ADAM12: variants seen among roughly 807,000 people sequenced by gnomAD.
The protein encoded by ADAM12 is ADAM metallopeptidase domain 12, also known as disintegrin and metalloproteinase domain-containing protein 12.
Under a neutral mutation model 106.4 loss-of-function variants are expected in ADAM12, and 70 were observed. That is an observed-to-expected ratio of 0.66 (90% CI 0.54 to 0.80). The LOEUF is 0.80. Among genes scored for constraint, ADAM12 ranks in the 30% least tolerant of loss-of-function variants. The pLI is 0.00. For missense variants in ADAM12, 1,010 were observed against 1,171.9 expected (o/e 0.86, Z 2.02); for synonymous variants, 420 against 433.5 (o/e 0.97, Z 0.39).
chr10:126,049,604 A>T lies in ADAM12; in HGVS notation c.1675T>A (p.Cys559Ser). Residue 559 changes from cysteine to serine, a missense_variant, in exon 15 of 23, where the codon TGT (cysteine) becomes AGT (serine). This residue lies in a region of ADAM12 where 615 missense variants were observed against 708.5 expected (regional missense o/e 0.87). Transcript: ENST00000448723. The surrounding 1 kb of genome is among the most constrained non-coding windows in gnomAD (Gnocchi z 4.4). ...VNSAGDPYGN[C>S]GKVSKSSFAK... ...AAGGAACTCTTCGAGACTTTGCCAC[A>T]GTTGCCATAAGGATCACCTGCAGAA... 1 of 1,614,230 alleles carries T rather than the reference A, an allele frequency of 6.2e-7. No homozygotes were observed. The highest frequency in any genetic ancestry group is 8.5e-7 in the Non-Finnish European group (1 of 1,180,048).
intron 2 of ADAM12, among the ~76,000 whole-genome samples, chr10:126,287,232 C>A (rs1959907612): frequency 6.6e-6 from 1 of 152,140 alleles, no homozygotes; most frequent in Non-Finnish European, 1.5e-5. Context: ...AATGACAGTC[C>A]ACCAGGCACG....
intron 4 of ADAM12, among the ~76,000 whole-genome samples, chr10:126,139,880 C>T (rs1956478437): frequency 1.3e-5 from 2 of 152,200 alleles, no homozygotes; most frequent in South Asian, 4.1e-4. Flanking sequence ...TGAATGGCTT[C>T]AGTGTCCTCT....
At chr10:126,105,442 G>A (rs564500311) in intron 8 of ADAM12, among the ~76,000 whole-genome samples, 1 of 152,268 alleles carries the variant, frequency 6.6e-6, no homozygotes, top group East Asian at 1.9e-4. Context: ...TGAGGCCGTT[G>A]GGGCAATGGT....
rs1251844591 is a variant in ADAM12 at position 126,012,503 on chromosome 10, AAC to A, written c.*4774_*4775del. ...CAATATGAGAAATGTGTACAAAAGC[AAC>A]AGACTGTGATAGAAAAAGGTATGTG... On this transcript the variant is annotated 3_prime_UTR_variant, in exon 23 of 23. Transcript: ENST00000448723. 3 of 152,274 alleles carry A rather than the reference AAC, an allele frequency of 2.0e-5. No homozygotes were observed. The highest frequency in any genetic ancestry group is 7.2e-5 in the African/African-American group (3 of 41,466). The allele number at this position is 152,274 out of a possible 1,614,324, so 9.4% of individuals were successfully genotyped here.
chr10:126,363,482 C>A (rs1229429704), intron 1 of ADAM12, among the ~76,000 whole-genome samples: 1 of 152,132 alleles, frequency 6.6e-6, no homozygotes, highest in Non-Finnish European at 1.5e-5. Flanking sequence ...CAAGGAGTCC[C>A]TTGTCTGGGG....
chr10:126,045,369 C>A (rs983957293), intron 17 of ADAM12, among the ~76,000 whole-genome samples: 2 of 152,172 alleles, frequency 1.3e-5, no homozygotes, highest in Non-Finnish European at 2.9e-5. Context: ...ACCCCCTCCC[C>A]CCATGCACCC....
chr10:126,233,016 C>T (rs1242420299), intron 3 of ADAM12, among the ~76,000 whole-genome samples: 1 of 151,906 alleles, frequency 6.6e-6, no homozygotes, highest in East Asian at 1.9e-4. Context: ...TTGGGGTGTG[C>T]GTGGAAGACG....
intron 12 of ADAM12, among the ~76,000 whole-genome samples, chr10:126,071,193 A>G (rs1479140053): frequency 6.9e-6 from 1 of 144,490 alleles, no homozygotes; most frequent in Non-Finnish European, 1.5e-5. Context: ...ACTCAAAGCT[A>G]AACACTTTTT....
At chr10:126,346,801 T>G (rs910892049) in intron 1 of ADAM12, among the ~76,000 whole-genome samples, 1 of 152,228 alleles carries the variant, frequency 6.6e-6, no homozygotes, top group African/African-American at 2.4e-5. Context: ...TCTTTTGATC[T>G]TTCTTGGTTT....
intron 3 of ADAM12, among the ~76,000 whole-genome samples, chr10:126,173,885 T>A (rs1009971528): frequency 6.6e-6 from 1 of 152,086 alleles, no homozygotes; most frequent in Non-Finnish European, 1.5e-5. Flanking sequence ...AATGGGCATT[T>A]TTTTTTAAAG....
At chr10:126,358,448 T>C (rs1286692990) in intron 1 of ADAM12, among the ~76,000 whole-genome samples, 1 of 152,212 alleles carries the variant, frequency 6.6e-6, no homozygotes, top group East Asian at 1.9e-4. Context: ...TTCAATATCC[T>C]TTTATGATAA....
At chr10:126,333,217 T>C (rs1328423252) in intron 1 of ADAM12, among the ~76,000 whole-genome samples, 2 of 152,214 alleles carry the variant, frequency 1.3e-5, no homozygotes, top group African/African-American at 4.8e-5. Context: ...CCAACACAAG[T>C]GAATTGTTAA....
At chr10:126,216,174 C>T (rs1957983929) in intron 3 of ADAM12, among the ~76,000 whole-genome samples, 1 of 152,234 alleles carries the variant, frequency 6.6e-6, no homozygotes, top group Non-Finnish European at 1.5e-5. Flanking sequence ...GATGTGCCCT[C>T]TGTAGACATG....
intron 2 of ADAM12, among the ~76,000 whole-genome samples, chr10:126,329,242 C>T (rs994946650): frequency 2.6e-5 from 4 of 152,098 alleles, no homozygotes; most frequent in Admixed American, 1.3e-4. Flanking sequence ...TTCTAACTTG[C>T]TAAATCTGGC....
chr10:126,138,524 G>A (rs11244830), intron 4 of ADAM12, among the ~76,000 whole-genome samples: 26,482 of 152,094 alleles, frequency 0.17, 2,352 homozygotes, highest in Middle Eastern at 0.19. Context: ...ACAGGCACAT[G>A]CCATCACACC....
At chr10:126,278,891 T>C (rs779807727) in intron 3 of ADAM12, 24 bp downstream of exon 3, 14 of 1,561,744 alleles carry the variant, frequency 9.0e-6, no homozygotes, top group Middle Eastern at 1.7e-4. Flanking sequence ...TCTCCTATCA[T>C]GCAATAAACA....
chr10:126,316,330 CA>C (rs1853869745), intron 2 of ADAM12, among the ~76,000 whole-genome samples: 1 of 152,134 alleles, frequency 6.6e-6, no homozygotes. Context: ...AAGGACTCAA[CA>C]GAAAAGCAGG....
At chr10:126,088,051 GGT>G in intron 11 of ADAM12, among the ~76,000 whole-genome samples, 2 of 152,040 alleles carry the variant, frequency 1.3e-5, no homozygotes, top group African/African-American at 2.4e-5. Flanking sequence ...ATAAATTATT[GGT>G]CGCTTTTTAA....
In ADAM12 at chr10:126,223,009, G is replaced by A. The variant is rs184143774; in HGVS notation, c.260+55906C>T. Among the ~76,000 whole-genome samples, 388 of 152,314 alleles carry A rather than the reference G, an allele frequency of 2.5e-3. 4 individuals carry two copies. The highest frequency in any genetic ancestry group is 8.9e-3 in the African/African-American group (370 of 41,568). ...TTCATCATACTTACTAATTGTTCCT[G>A]CGTTCTTTGGAGATTTAGAAAGCAC... On this transcript the variant is annotated intron_variant, in intron 3 of 22. Transcript: ENST00000448723.
Sources: allele counts gnomAD v4.1 joint callset (sites outside exome capture counted in the v4.1 genomes callset), GRCh38; gene constraint gnomAD v4.1.1; regional missense constraint gnomAD v4.1.1; non-coding constraint Gnocchi (gnomAD v3.1); transcripts MANE v1.5; gene names NCBI Gene and HGNC (gene_info 2026-07-23, HGNC 2026-07-21).